Variants in TLDC2 observed in about 807,000 individuals in gnomAD.
The protein encoded by TLDC2 is TBC/LysM-associated domain containing 2, also known as TLD domain-containing protein 2.
TLDC2 carries 23 observed loss-of-function variants against 27.9 expected under a neutral mutation model. The observed-to-expected ratio is 0.82, with a 90% CI of 0.59 to 1.17. The LOEUF (loss-of-function observed/expected upper bound fraction) is 1.17, where lower values mean the gene tolerates loss of function less well. TLDC2 is among the 50% of genes most tolerant of loss of function. TLDC2 has a pLI of 0.00. For synonymous variants in TLDC2, 124 were observed against 107.4 expected (o/e 1.16, Z -0.96); for missense variants, 286 against 273.4 (o/e 1.05, Z -0.32).
chr20:36,883,237 A>G (rs1210073615), intron 4 of TLDC2, among the ~76,000 whole-genome samples: 1 of 151,786 alleles, frequency 6.6e-6, no homozygotes, highest in Non-Finnish European at 1.5e-5. Flanking sequence ...CCTGGGCTCA[A>G]TTGATCCTCC....
rs995366740 is a variant in TLDC2 at position 36,889,275 on chromosome 20, T to A, written c.537T>A (p.Asp179Glu). 8 of 1,614,056 alleles carry A rather than the reference T, an allele frequency of 5.0e-6. No homozygotes were observed. In the African/African-American group the frequency reaches 9.3e-5, roughly 19 times the overall value. Residue 179 changes from aspartate to glutamate, a missense_variant, in exon 6 of 7, where the codon GAT (aspartate) becomes GAA (glutamate). Transcript: ENST00000217320. ...SGSGRFGLWL[D>E]GDLFRGGSSP... ...GTGGCCGGTTTGGGCTGTGGTTGGA[T>A]GGAGACTTGTTCCGCGGGGGAAGCT...
At chr20:36,878,079 G>A in intron 2 of TLDC2, 25 bp downstream of exon 2, 1 of 1,599,790 alleles carries the variant, frequency 6.3e-7, no homozygotes, top group Non-Finnish European at 8.5e-7. Context: ...CATGGCACAA[G>A]AATTTCAGCC....
intron 5 of TLDC2, among the ~76,000 whole-genome samples, chr20:36,888,704 CA>C (rs35828858): frequency 0.27 from 16,947 of 62,170 alleles, 1,194 homozygotes; most frequent in Middle Eastern, 0.37. Context: ...AGACTCCTAT[CA>C]AAAAAAAAAA....
At chr20:36,887,433 C>G (rs756672898) in intron 4 of TLDC2, 22 bp from the exon 5 acceptor site, 4 of 1,606,828 alleles carry the variant, frequency 2.5e-6, no homozygotes, top group Non-Finnish European at 3.4e-6. Context: ...GTAACCTGAG[C>G]CTTTCCCTAT....
intron 2 of TLDC2, among the ~76,000 whole-genome samples, chr20:36,878,372 G>C (rs1478930776): frequency 2.0e-5 from 3 of 152,150 alleles, no homozygotes; most frequent in Non-Finnish European, 2.9e-5. Flanking sequence ...CTTGAGGCCA[G>C]GAGCTGGAGA....
At chr20:36,878,239 T>G (rs1230853804) in intron 2 of TLDC2, among the ~76,000 whole-genome samples, 185 bp downstream of exon 2, 2 of 151,416 alleles carry the variant, frequency 1.3e-5, no homozygotes, top group Non-Finnish European at 3.0e-5. Flanking sequence ...AATCATCCAG[T>G]GTTGCTAGCA....
At chr20:36,892,835 A>C (rs1352840716) in intron 6 of TLDC2, 27 bp from the exon 7 acceptor site, 6 of 1,491,252 alleles carry the variant, frequency 4.0e-6, no homozygotes, top group Admixed American at 1.7e-5. Context: ...ATACAAAATT[A>C]AAGCATGAGT....
intron 1 of TLDC2, among the ~76,000 whole-genome samples, chr20:36,877,632 C>G (rs1405404566): frequency 2.6e-5 from 4 of 152,184 alleles, no homozygotes; most frequent in African/African-American, 9.7e-5. Flanking sequence ...GGCCCACGGC[C>G]CCATCTGAGC....
rs1488914837 is a variant in TLDC2 at position 36,893,886 on chromosome 20, T to G, written c.*1042T>G. ...TACATTTCTCAGCTCCCATGCCTGT[T>G]GGTTTCCAGTTAGATTTGGTCAGTG... On this transcript the variant is annotated 3_prime_UTR_variant, in exon 7 of 7. Coordinates refer to ENST00000217320, the MANE Select transcript of TLDC2 (RefSeq NM_080628.3). 5 of 398,532 alleles carry G rather than the reference T, an allele frequency of 1.3e-5. No individual in the cohort carries two copies. Among genetic ancestry groups the G allele is most frequent in the Non-Finnish European group, 2.2e-5 (5 of 226,088 alleles). The allele number at this position is 398,532 out of a possible 1,614,324, so 24.7% of individuals were successfully genotyped here. A position where few individuals can be genotyped will look rare whatever the true frequency, so the allele number is the denominator to read the frequency against.
chr20:36,889,705 A>G lies in TLDC2; in HGVS notation c.*17+302A>G, dbSNP rs150399507. 874 of 224,154 alleles carry G rather than the reference A, an allele frequency of 3.9e-3. 12 individuals are homozygous for G. Among genetic ancestry groups the G allele is most frequent in the African/African-American group, 0.019 (839 of 44,248 alleles). The allele number at this position is 224,154 out of a possible 1,614,324, so 13.9% of individuals were successfully genotyped here. ...CTAGTGCCTGCCTCCTGGCAAAGGG[A>G]AGATTTTTCACTATGCTGTTCCTCG... is the stretch of plus-strand genomic sequence containing the variant. On this transcript the variant is annotated intron_variant, in intron 6 of 6. Coordinates refer to ENST00000217320, the MANE Select transcript of TLDC2 (RefSeq NM_080628.3).
At position 36,889,369 on chromosome 20, in the gene TLDC2, G is replaced by A. The variant is rs1367658208; in HGVS notation, c.631G>A (p.Ala211Thr). The A allele has an allele frequency of 6.2e-7, 1 of 1,614,038 alleles. No homozygotes were observed. The highest frequency in any genetic ancestry group is 8.5e-7 in the Non-Finnish European group (1 of 1,180,010). ...GCAGTTCTGCATCCAGGAGCTGGAG[G>A]CTTGGCTTCTCAGCTGACAGCCCTG... ...QEQFCIQELE[A>T]WLLS The change falls in exon 6 of 7, where the codon GCT becomes ACT. Residue 211 changes from alanine to threonine, a missense_variant. Transcript: ENST00000217320.
intron 4 of TLDC2, among the ~76,000 whole-genome samples, chr20:36,882,507 A>G (rs1018956620): frequency 1.4e-4 from 21 of 152,134 alleles, no homozygotes; most frequent in African/African-American, 4.1e-4. Context: ...AGCCTGGGCA[A>G]CAGAGTGAGA....
chr20:36,876,781 A>G (rs1187520303), intron 1 of TLDC2, among the ~76,000 whole-genome samples: 3 of 151,870 alleles, frequency 2.0e-5, no homozygotes, highest in African/African-American at 7.3e-5. Flanking sequence ...TCACACACAC[A>G]CTCTGGTACA....
chr20:36,882,789 G>A (rs1989843161), intron 4 of TLDC2, among the ~76,000 whole-genome samples: 1 of 152,200 alleles, frequency 6.6e-6, no homozygotes, highest in African/African-American at 2.4e-5. Flanking sequence ...GGGAGGCATG[G>A]TGAGCCAGTG....
intron 1 of TLDC2, among the ~76,000 whole-genome samples, chr20:36,877,161 A>G (rs539488309): frequency 3.3e-5 from 5 of 152,164 alleles, no homozygotes; most frequent in East Asian, 1.9e-4. Context: ...CAGGTGGATC[A>G]TCTGAGGTCA....
intron 4 of TLDC2, among the ~76,000 whole-genome samples, chr20:36,883,133 G>T (rs1989849619): frequency 6.6e-6 from 1 of 150,964 alleles, no homozygotes; most frequent in Non-Finnish European, 1.5e-5. Flanking sequence ...CTCAAACATG[G>T]CGTTTCTTTT....
chr20:36,893,295 C>A lies in TLDC2; in HGVS notation c.*451C>A, dbSNP rs1246931202. The A allele has an allele frequency of 4.8e-5, 28 of 585,110 alleles. No homozygotes were observed. Among genetic ancestry groups the A allele is most frequent in the Non-Finnish European group, 7.9e-5 (26 of 330,764 alleles). 36.2% of individuals were successfully genotyped at this position (585,110 alleles called of 1,614,324 possible). ...TCATGAAAACAGCCACTGGCCTCTGCAGAGATGACTGGGAGCAGCATACCA... is the reference window on the plus strand; with the variant it reads ...TCATGAAAACAGCCACTGGCCTCTGAAGAGATGACTGGGAGCAGCATACCA... On this transcript the variant is annotated 3_prime_UTR_variant, in exon 7 of 7. Transcript: ENST00000217320.
In TLDC2 at chr20:36,893,553, A is replaced by G; in HGVS notation, c.*709A>G. ...GCTCTAACGTTGGTCCCATCAGCAT[A>G]GGCTCCAGCCAAAGAAGCTCCTCCA... On this transcript the variant is annotated 3_prime_UTR_variant, in exon 7 of 7. Transcript: ENST00000217320. 1 of 281,894 alleles carries G rather than the reference A, an allele frequency of 3.5e-6. No individual in the cohort carries two copies. The highest frequency in any genetic ancestry group is 6.6e-6 in the Non-Finnish European group (1 of 152,564). 17.5% of individuals were successfully genotyped at this position (281,894 alleles called of 1,614,324 possible).
rs891508255 is a variant in TLDC2 at position 36,893,893 on chromosome 20, C to T, written c.*1049C>T. Reference sequence around the variant, plus strand: ...CTCAGCTCCCATGCCTGTTGGTTTCCAGTTAGATTTGGTCAGTGGGAGGCT... The same window carrying T: ...CTCAGCTCCCATGCCTGTTGGTTTCTAGTTAGATTTGGTCAGTGGGAGGCT... On this transcript the variant is annotated 3_prime_UTR_variant, in exon 7 of 7. Transcript: ENST00000217320. 1 of 398,488 alleles carries T rather than the reference C, an allele frequency of 2.5e-6. No individual in the cohort carries two copies. Among genetic ancestry groups the T allele is most frequent in the African/African-American group, 2.1e-5 (1 of 48,638 alleles). 24.7% of individuals were successfully genotyped at this position (398,488 alleles called of 1,614,324 possible).
Sources: allele counts gnomAD v4.1 joint callset (sites outside exome capture counted in the v4.1 genomes callset), GRCh38; gene constraint gnomAD v4.1.1; transcripts MANE v1.5; gene names NCBI Gene and HGNC (gene_info 2026-07-23, HGNC 2026-07-21).